Variants in SECISBP2 observed in about 807,000 individuals in gnomAD.
SECISBP2 encodes selenocysteine insertion sequence-binding protein 2.
In SECISBP2, 96 loss-of-function variants were observed where a neutral mutation model predicts 98.2. That is an observed-to-expected ratio of 0.98 (90% CI 0.83 to 1.16). The LOEUF (loss-of-function observed/expected upper bound fraction) is 1.16, where lower values mean the gene tolerates loss of function less well. Ranked by LOEUF, SECISBP2 falls within the 50% of genes most tolerant of loss-of-function variation. SECISBP2 has a pLI of 0.00. For missense variants in SECISBP2, 1,046 were observed against 1,022.9 expected (o/e 1.02, Z -0.31); for synonymous variants, 407 against 370.2 (o/e 1.10, Z -1.14).
At chr9:89,352,359 T>C (rs750720367) in intron 14 of SECISBP2, among the ~76,000 whole-genome samples, 2 of 152,134 alleles carry the variant, frequency 1.3e-5, no homozygotes, top group Non-Finnish European at 2.9e-5. Context: ...AGGTGTTGTT[T>C]ATGGACTTCT....
At chr9:89,350,103 G>A (rs1188785987) in intron 13 of SECISBP2, among the ~76,000 whole-genome samples, 174 bp downstream of exon 13, 1 of 152,246 alleles carries the variant, frequency 6.6e-6, no homozygotes, top group African/African-American at 2.4e-5. Context: ...CCTAATCGTT[G>A]TGTCTGATTC....
Position 89,358,734 on chromosome 9 carries a change from A to G in SECISBP2, c.2475A>G (p.Lys825=), listed in dbSNP as rs767099785. ...KEEPHYIEIW[K]KHLEAYSGCT... ...TTCTCATTTTAGTTGAAATCTGGAAAAAACATCTGGAAGCATACAGTGGAT... is the reference window on the plus strand; with the variant it reads ...TTCTCATTTTAGTTGAAATCTGGAAGAAACATCTGGAAGCATACAGTGGAT... Residue 825 remains lysine (K), a synonymous_variant, in exon 17 of 17, where the codon AAA becomes AAG. Transcript: ENST00000375807. 2 of 1,613,142 alleles carry G rather than the reference A, an allele frequency of 1.2e-6. No homozygotes were observed. Among genetic ancestry groups the G allele is most frequent in the Non-Finnish European group, 1.7e-6 (2 of 1,179,076 alleles).
chr9:89,337,008 A>T (rs1001951405), intron 7 of SECISBP2, among the ~76,000 whole-genome samples: 2 of 152,072 alleles, frequency 1.3e-5, no homozygotes, highest in African/African-American at 4.8e-5. Flanking sequence ...TCCTGACCTC[A>T]GGTGATCCAT....
chr9:89,358,025 G>T lies in SECISBP2; in HGVS notation c.2295G>T (p.Leu765=). 6.2e-7 allele frequency: 1 copy of T among 1,613,380 alleles called. No homozygotes were observed. ...ATCAGTTCCACAAGATGGTTGAGCT[G>T]ACAGTGGCGGCCCGACAGGCGTACA... ...AQDQFHKMVE[L]TVAARQAYKT... Residue 765 remains leucine (L), a synonymous_variant, in exon 16 of 17, where the codon CTG becomes CTT. Coordinates refer to ENST00000375807, the MANE Select transcript of SECISBP2 (RefSeq NM_024077.5).
chr9:89,363,692 TG>T (rs1564477457), downstream of SECISBP2: 1 of 1,596,882 alleles, frequency 6.3e-7, no homozygotes, highest in African/African-American at 1.3e-5. Flanking sequence ...TTGTAAATAG[TG>T]AAAAATTACC....
chr9:89,339,750 T>C, intron 8 of SECISBP2, 114 bp from the exon 9 acceptor site: 1 of 801,636 alleles, frequency 1.2e-6, no homozygotes, highest in South Asian at 1.5e-5. Flanking sequence ...CGGCTTTTTT[T>C]TTTAAATCAC....
In SECISBP2 at chr9:89,328,756, C is replaced by T. The variant is rs371846875; in HGVS notation, c.671C>T (p.Pro224Leu). The T allele has an allele frequency of 9.9e-5, 160 of 1,614,082 alleles. No homozygotes were observed. Among genetic ancestry groups the T allele is most frequent in the Non-Finnish European group, 1.3e-4 (154 of 1,180,022 alleles). ...TTTGAATTTACCACACTGGACTTTC[C>T]TGAACTGCAAGGTGCAGAGAACAAT... ...PEFEFTTLDF[P>L]ELQGAENNMS... The change falls in exon 5 of 17, where the codon CCT becomes CTT. Residue 224 changes from proline to leucine, a missense_variant. Physicochemically the swap from Pro to Leu is moderately conservative, Grantham distance 98. Transcript: ENST00000375807.
At chr9:89,335,227 AAAGTT>A (rs1828456104) in intron 7 of SECISBP2, among the ~76,000 whole-genome samples, 3 of 152,028 alleles carry the variant, frequency 2.0e-5, no homozygotes, top group African/African-American at 4.8e-5. Context: ...AAAAAAAAAA[AAAGTT>A]AAGATGGTAT....
In SECISBP2 at chr9:89,332,891, ATG is replaced by A; in HGVS notation, c.802-13_802-12del. On this transcript the variant is annotated splice_polypyrimidine_tract_variant and intron_variant, in intron 5 of 16. Transcript: ENST00000375807. ...ATTTGCATTTCTCTGATGACATCTA[ATG>A]TGTTTGCTTTTTAGGGTGAAATAGT... The A allele has an allele frequency of 6.3e-7, 1 of 1,598,074 alleles. No homozygotes were observed.
intron 13 of SECISBP2, 29 bp downstream of exon 13, chr9:89,349,958 A>G: frequency 6.2e-7 from 1 of 1,612,808 alleles, no homozygotes; most frequent in East Asian, 2.2e-5. Flanking sequence ...GCCAGGGACT[A>G]GGGGAAGATG....
intron 9 of SECISBP2, among the ~76,000 whole-genome samples, chr9:89,340,523 G>T (rs1829497959): frequency 6.6e-6 from 1 of 151,834 alleles, no homozygotes; most frequent in Non-Finnish European, 1.5e-5. Flanking sequence ...TTTAAAGGGG[G>T]CTGTTGTTTT....
chr9:89,357,649 A>T, intron 15 of SECISBP2, 84 bp downstream of exon 15: 1 of 1,529,094 alleles, frequency 6.5e-7, no homozygotes, highest in Non-Finnish European at 9.0e-7. Flanking sequence ...TCACCCACAG[A>T]GCAGCCCCAG....
chr9:89,326,606 G>A (rs150802404), intron 4 of SECISBP2, among the ~76,000 whole-genome samples: 270 of 152,272 alleles, frequency 1.8e-3, no homozygotes, highest in Non-Finnish European at 1.9e-3. Flanking sequence ...TGCACAATCA[G>A]GTTAAGGTAA....
At chr9:89,337,361 A>G (rs771014757) in intron 7 of SECISBP2, among the ~76,000 whole-genome samples, 13 of 152,118 alleles carry the variant, frequency 8.5e-5, no homozygotes, top group African/African-American at 1.2e-4. Context: ...TGTATTGTGA[A>G]ATTTTATTAC....
intron 5 of SECISBP2, among the ~76,000 whole-genome samples, chr9:89,332,335 C>T (rs781102539): frequency 1.5e-4 from 23 of 152,188 alleles, no homozygotes; most frequent in Admixed American, 3.9e-4. Flanking sequence ...TCACCCAAAG[C>T]GCATCGTTTG....
In SECISBP2 at chr9:89,339,883, A is replaced by G. The variant is rs764219343; in HGVS notation, c.1232A>G (p.Asn411Ser). The G allele has an allele frequency of 2.5e-6, 4 of 1,613,756 alleles. No homozygotes were observed. Among genetic ancestry groups the G allele is most frequent in the South Asian group, 1.1e-5 (1 of 91,080 alleles). The change falls in exon 9 of 17, where the codon AAC becomes AGC. Residue 411 changes from asparagine (N) to serine (S), a missense_variant. Coordinates refer to ENST00000375807, the MANE Select transcript of SECISBP2 (RefSeq NM_024077.5). ...PRIEDAEEFPNLAVASERRDR... is the reference protein window; with the variant it reads ...PRIEDAEEFPSLAVASERRDR... Reference sequence around the variant, plus strand: ...ACTTAGGATGCCGAGGAATTTCCCAACCTGGCAGTTGCATCTGAAAGAAGA... The same window carrying G: ...ACTTAGGATGCCGAGGAATTTCCCAGCCTGGCAGTTGCATCTGAAAGAAGA...
At chr9:89,331,849 T>A (rs1263040519) in intron 5 of SECISBP2, among the ~76,000 whole-genome samples, 2 of 152,212 alleles carry the variant, frequency 1.3e-5, no homozygotes, top group Non-Finnish European at 1.5e-5. Flanking sequence ...GCCACAATAC[T>A]ATGTGTGGTG....
chr9:89,366,628 A>G, the SECISBP2 span, among the ~76,000 whole-genome samples: 64 of 152,390 alleles, frequency 4.2e-4, no homozygotes, highest in African/African-American at 1.5e-3. Flanking sequence ...TACATATTAC[A>G]TAGATGTACA....
intron 4 of SECISBP2, among the ~76,000 whole-genome samples, chr9:89,327,237 A>G (rs1268884086): frequency 6.6e-6 from 1 of 152,048 alleles, no homozygotes; most frequent in African/African-American, 2.4e-5. Context: ...GCAGAACTGG[A>G]AGTTGCTCTG....
Sources: allele counts gnomAD v4.1 joint callset (sites outside exome capture counted in the v4.1 genomes callset), GRCh38; gene constraint gnomAD v4.1.1; transcripts MANE v1.5; gene names NCBI Gene and HGNC (gene_info 2026-07-23, HGNC 2026-07-21).